The following TENM4 variants were observed in gnomAD, a reference collection of about 807,000 sequenced individuals.
TENM4 encodes the protein teneurin transmembrane protein 4, also known as teneurin-4.
In TENM4, 82 loss-of-function variants were observed where a neutral mutation model predicts 243.3. The observed-to-expected ratio is 0.34, with a 90% CI of 0.28 to 0.40. TENM4 has a LOEUF of 0.40. Ranked by LOEUF, TENM4 falls within the 10% of genes least tolerant of loss-of-function variation. The pLI is 1.00. For synonymous variants in TENM4, 1,412 were observed against 1,456.3 expected (o/e 0.97, Z 0.69); for missense variants, 3,138 against 3,673.3 (o/e 0.85, Z 3.77).
chr11:78,707,193 G>C (rs1338184737), intron 27 of TENM4, among the ~76,000 whole-genome samples: 2 of 152,200 alleles, frequency 1.3e-5, no homozygotes, highest in East Asian at 3.8e-4. Flanking sequence ...AATGTTGCTG[G>C]AGCTGAAATC....
At chr11:79,163,588 A>T (rs1004256261) in intron 3 of TENM4, among the ~76,000 whole-genome samples, 3 of 151,766 alleles carry the variant, frequency 2.0e-5, no homozygotes, top group African/African-American at 7.3e-5. Context: ...TACCATTCTT[A>T]TGCCTTTGCG....
At chr11:79,255,363 G>A (rs190989279) in intron 2 of TENM4, among the ~76,000 whole-genome samples, 77 of 152,194 alleles carry the variant, frequency 5.1e-4, no homozygotes, top group Non-Finnish European at 7.5e-4. Context: ...TAACGCCTCC[G>A]TGTCTTACAT....
intron 4 of TENM4, among the ~76,000 whole-genome samples, chr11:79,148,160 G>C (rs1047508502): frequency 6.6e-6 from 1 of 152,088 alleles, no homozygotes; most frequent in Non-Finnish European, 1.5e-5. Context: ...CAAGTGACCA[G>C]GGTGGGAGCT....
intron 6 of TENM4, among the ~76,000 whole-genome samples, chr11:79,056,523 AAT>A (rs1859947931): frequency 6.6e-6 from 1 of 152,014 alleles, no homozygotes; most frequent in Non-Finnish European, 1.5e-5. Flanking sequence ...AATTCCAGCC[AAT>A]TTCGTGCTAT....
chr11:78,811,951 GC>G (rs1475416975), intron 14 of TENM4, among the ~76,000 whole-genome samples, 170 bp downstream of exon 14: 2 of 152,182 alleles, frequency 1.3e-5, no homozygotes, highest in Non-Finnish European at 2.9e-5. Flanking sequence ...GATGTGTTTG[GC>G]CTCTTCCTTT....
chr11:78,778,491 C>T, intron 17 of TENM4, 111 bp downstream of exon 17: 1 of 1,202,652 alleles, frequency 8.3e-7, no homozygotes, highest in Non-Finnish European at 1.2e-6. Flanking sequence ...AGCTTCCAGA[C>T]ATCATGCTTA....
intron 3 of TENM4, among the ~76,000 whole-genome samples, chr11:79,209,866 A>G (rs1863924951): frequency 1.3e-5 from 2 of 152,220 alleles, no homozygotes; most frequent in Non-Finnish European, 2.9e-5. Context: ...TTTACCAGGT[A>G]TCAGCTATAT....
At chr11:78,737,615 T>C (rs1352804735) in intron 20 of TENM4, among the ~76,000 whole-genome samples, 1 of 152,200 alleles carries the variant, frequency 6.6e-6, no homozygotes, top group East Asian at 1.9e-4. Flanking sequence ...TTATTAAAAA[T>C]AGAGGACTTG....
intron 6 of TENM4, among the ~76,000 whole-genome samples, chr11:78,950,497 G>C (rs1857089084): frequency 6.6e-6 from 1 of 152,184 alleles, no homozygotes; most frequent in Non-Finnish European, 1.5e-5. Flanking sequence ...AGGCAGTCTG[G>C]TGGGAGTGAG....
intron 4 of TENM4, among the ~76,000 whole-genome samples, chr11:79,143,164 T>A (rs1025566923): frequency 1.3e-5 from 2 of 152,130 alleles, no homozygotes; most frequent in African/African-American, 4.8e-5. Context: ...GACCCAGCGA[T>A]CCCATTACTG....
intron 6 of TENM4, among the ~76,000 whole-genome samples, chr11:78,974,341 A>G (rs1013664146): frequency 6.6e-6 from 1 of 152,202 alleles, no homozygotes; most frequent in African/African-American, 2.4e-5. Context: ...GATCCTTACC[A>G]CATCCAGGAG....
At chr11:79,272,243 G>A (rs967020434) in intron 2 of TENM4, among the ~76,000 whole-genome samples, 4 of 152,192 alleles carry the variant, frequency 2.6e-5, no homozygotes, top group Non-Finnish European at 5.9e-5. Context: ...TGGAAGCTGA[G>A]TGTATGTGGC....
intron 4 of TENM4, among the ~76,000 whole-genome samples, chr11:79,140,926 G>C (rs1012869810): frequency 1.3e-4 from 20 of 152,060 alleles, no homozygotes; most frequent in African/African-American, 3.9e-4. Flanking sequence ...GGTCCCTGCA[G>C]AGGTAGCTGG....
At chr11:79,240,339 T>G (rs1431068254) in intron 2 of TENM4, among the ~76,000 whole-genome samples, 2 of 152,226 alleles carry the variant, frequency 1.3e-5, no homozygotes, top group South Asian at 2.1e-4. Context: ...ACTTATAAAC[T>G]TATAAGTTTA....
chr11:79,099,794 G>A (rs865936192), intron 4 of TENM4, among the ~76,000 whole-genome samples: 7 of 152,356 alleles, frequency 4.6e-5, no homozygotes, highest in South Asian at 2.1e-4. Context: ...AGCACAGCAA[G>A]CTCTGCTGTC....
intron 2 of TENM4, among the ~76,000 whole-genome samples, chr11:79,285,717 T>C (rs1856238280): frequency 6.6e-6 from 1 of 151,210 alleles, no homozygotes; most frequent in Non-Finnish European, 1.5e-5. Context: ...ATGCCTAACA[T>C]GGATAAACCT....
At chr11:79,193,660 C>G (rs1036312011) in intron 3 of TENM4, among the ~76,000 whole-genome samples, 1 of 152,168 alleles carries the variant, frequency 6.6e-6, no homozygotes, top group African/African-American at 2.4e-5. Flanking sequence ...CTGACACTTA[C>G]CAAAGAGTGA....
At chr11:79,085,679 T>C (rs576373080) in intron 4 of TENM4, among the ~76,000 whole-genome samples, 182 of 152,262 alleles carry the variant, frequency 1.2e-3, no homozygotes, top group African/African-American at 4.2e-3. Flanking sequence ...CTTCCCCTGA[T>C]TCAGTCCTCA....
intron 4 of TENM4, among the ~76,000 whole-genome samples, chr11:79,078,208 A>T (rs1308978223): frequency 6.6e-6 from 1 of 152,192 alleles, no homozygotes; most frequent in Admixed American, 6.5e-5. Flanking sequence ...CAGGAAATTG[A>T]CTGAATTCCT....
Sources: allele counts gnomAD v4.1 joint callset (sites outside exome capture counted in the v4.1 genomes callset), GRCh38; gene constraint gnomAD v4.1.1; transcripts MANE v1.5; gene names NCBI Gene and HGNC (gene_info 2026-07-23, HGNC 2026-07-21).